HAO1: variants seen among roughly 807,000 people sequenced by gnomAD.
HAO1 encodes the protein 2-Hydroxyacid oxidase 1.
HAO1 carries 34 observed loss-of-function variants against 39.7 expected under a neutral mutation model. The ratio of observed to expected loss-of-function variants is 0.86; its 90% confidence interval spans 0.65 to 1.14. HAO1 has a LOEUF of 1.14. HAO1 is among the 50% of genes most tolerant of loss of function. The pLI, the probability that HAO1 is intolerant of heterozygous loss-of-function variation, is 0.00. For missense variants in HAO1, 479 were observed against 464.5 expected, an observed-to-expected ratio of 1.03 and a Z score of -0.29; for synonymous variants, 172 against 173.2, an observed-to-expected ratio of 0.99 and a Z score of 0.05.
intron 2 of HAO1, among the ~76,000 whole-genome samples, chr20:7,919,274 T>C (rs1482062243): frequency 1.3e-5 from 2 of 152,208 alleles, no homozygotes; most frequent in Admixed American, 1.3e-4. Flanking sequence ...ACTCACTGAC[T>C]CTTTCATTGT....
chr20:7,938,457 A>G (rs2050424018), intron 1 of HAO1, among the ~76,000 whole-genome samples: 4 of 152,096 alleles, frequency 2.6e-5, no homozygotes, highest in South Asian at 4.1e-4. Context: ...ATTCATTTTC[A>G]TTATCTGTGT....
At chr20:7,898,350 C>A (rs939878707) in intron 4 of HAO1, among the ~76,000 whole-genome samples, 4 of 152,156 alleles carry the variant, frequency 2.6e-5, no homozygotes, top group Non-Finnish European at 5.9e-5. Flanking sequence ...GTATGTTTTC[C>A]TGCTGTCAAC....
intron 3 of HAO1, among the ~76,000 whole-genome samples, chr20:7,909,256 C>G (rs1054471186): frequency 6.6e-6 from 1 of 150,844 alleles, no homozygotes; most frequent in Non-Finnish European, 1.5e-5. Context: ...AAGCCAGAAG[C>G]CAAGAAAAAG....
At chr20:7,939,413 A>T (rs892311280) in intron 1 of HAO1, among the ~76,000 whole-genome samples, 8 of 152,158 alleles carry the variant, frequency 5.3e-5, no homozygotes, top group African/African-American at 1.4e-4. Flanking sequence ...TTTGTTGTAG[A>T]CTAAAGAAGA....
chr20:7,908,299 C>T (rs1014249696), intron 3 of HAO1, among the ~76,000 whole-genome samples: 37 of 150,724 alleles, frequency 2.5e-4, no homozygotes, highest in Non-Finnish European at 8.8e-5. Context: ...GGCTGAGGCA[C>T]GAGAATCGCT....
intron 5 of HAO1, among the ~76,000 whole-genome samples, chr20:7,894,729 C>A (rs1290910254): frequency 6.6e-6 from 1 of 152,192 alleles, no homozygotes; most frequent in Non-Finnish European, 1.5e-5. Flanking sequence ...CTCAATTGTA[C>A]TGATGATCTC....
chr20:7,884,101 C>G (rs917002771), intron 7 of HAO1, among the ~76,000 whole-genome samples: 8 of 152,260 alleles, frequency 5.3e-5, no homozygotes, highest in African/African-American at 1.4e-4. Context: ...GCCCTCTTTA[C>G]CTTCAAAAAT....
At position 7,885,782 on chromosome 20, in the gene HAO1, T is replaced by A; in HGVS notation, c.896A>T (p.Asp299Val). The A allele has an allele frequency of 2.5e-6, 4 of 1,613,468 alleles. No individual in the cohort carries two copies. Among genetic ancestry groups the A allele is most frequent in the Non-Finnish European group, 2.5e-6 (3 of 1,179,434 alleles). Reference sequence around the variant, plus strand: ...GCCAAGAGCCAGAGCTTTCAGAACATCAGTGCCTTTCCGCACACCCCCGTC... The same window carrying A: ...GCCAAGAGCCAGAGCTTTCAGAACAACAGTGCCTTTCCGCACACCCCCGTC... Reference protein sequence around the residue: ...FLDGGVRKGTDVLKALALGAK... With the variant: ...FLDGGVRKGTVVLKALALGAK... The change falls in exon 6 of 8, where the codon GAT (aspartate) becomes GTT (valine). Residue 299 changes from aspartate to valine, a missense_variant. Coordinates refer to ENST00000378789, the MANE Select transcript of HAO1 (RefSeq NM_017545.3).
chr20:7,932,601 C>T (rs1255650602), intron 2 of HAO1, among the ~76,000 whole-genome samples: 1 of 152,092 alleles, frequency 6.6e-6, no homozygotes, highest in Non-Finnish European at 1.5e-5. Flanking sequence ...TATTTTAGGA[C>T]CTGACTATTG....
intron 4 of HAO1, among the ~76,000 whole-genome samples, chr20:7,898,898 G>T (rs1397943421): frequency 6.6e-6 from 1 of 151,120 alleles, no homozygotes; most frequent in South Asian, 2.1e-4. Flanking sequence ...GGTGTGGTTT[G>T]CCTGGTTATC....
In HAO1 at chr20:7,914,318, G is replaced by C; in HGVS notation, c.391C>G (p.Leu131Val). ...AGPEALRWLQ[L>V]YIYKDREVTK... ...ACTTCTCGGTCCTTGTAGATATACA[G>C]TTGCAGCCAACGAAGTGCCTCAGGA... The change falls in exon 3 of 8, where the codon CTG (leucine) becomes GTG (valine). Residue 131 changes from leucine to valine, a missense_variant. By Grantham distance (32) the Leu-to-Val change is conservative (BLOSUM62 1). Coordinates refer to ENST00000378789, the MANE Select transcript of HAO1 (RefSeq NM_017545.3). 6.2e-7 allele frequency: 1 copy of C among 1,614,052 alleles called. No individual in the cohort carries two copies. The highest frequency in any genetic ancestry group is 8.5e-7 in the Non-Finnish European group (1 of 1,179,972).
At chr20:7,928,629 C>G (rs1379281596) in intron 2 of HAO1, among the ~76,000 whole-genome samples, 1 of 152,058 alleles carries the variant, frequency 6.6e-6, no homozygotes, top group African/African-American at 2.4e-5. Flanking sequence ...CCCCAGCCTC[C>G]TTGGGACGTG....
intron 1 of HAO1, among the ~76,000 whole-genome samples, chr20:7,940,006 C>T (rs1431338377): frequency 1.3e-5 from 2 of 152,174 alleles, no homozygotes; most frequent in Non-Finnish European, 2.9e-5. Context: ...CCGAATTTAT[C>T]GCTATTTTTA....
intron 2 of HAO1, among the ~76,000 whole-genome samples, chr20:7,924,194 G>GTGGTGT (rs2050348172): frequency 6.7e-6 from 1 of 148,610 alleles, no homozygotes; most frequent in Non-Finnish European, 1.5e-5. Context: ...AGTTTGGGTT[G>GTGGTGT]TGTTGTTGTT....
chr20:7,890,210 T>TTTTTG (rs571569407), intron 5 of HAO1, among the ~76,000 whole-genome samples: 2 of 151,928 alleles, frequency 1.3e-5, no homozygotes, highest in Admixed American at 6.6e-5. Context: ...GGTTTGTTTT[T>TTTTTG]TTTTGTTTTG....
intron 3 of HAO1, among the ~76,000 whole-genome samples, chr20:7,910,952 A>T (rs1460709754): frequency 6.6e-6 from 1 of 151,470 alleles, no homozygotes; most frequent in Non-Finnish European, 1.5e-5. Context: ...GTTTCCCAAT[A>T]TAGACATGTA....
chr20:7,921,896 C>T (rs1262228524), intron 2 of HAO1, among the ~76,000 whole-genome samples: 1 of 151,954 alleles, frequency 6.6e-6, no homozygotes, highest in African/African-American at 2.4e-5. Context: ...TAAATGGAAG[C>T]TGAATATTGG....
At chr20:7,888,017 C>T (rs2050157895) in intron 5 of HAO1, among the ~76,000 whole-genome samples, 1 of 152,030 alleles carries the variant, frequency 6.6e-6, no homozygotes, top group Non-Finnish European at 1.5e-5. Context: ...TTTATGTTTC[C>T]CTCTTTTCAG....
chr20:7,896,935 T>A (rs2050200534), intron 4 of HAO1, among the ~76,000 whole-genome samples: 1 of 152,180 alleles, frequency 6.6e-6, no homozygotes, highest in East Asian at 1.9e-4. Flanking sequence ...TCTGTCTGAG[T>A]TGAATATCTT....
Sources: allele counts gnomAD v4.1 joint callset (sites outside exome capture counted in the v4.1 genomes callset), GRCh38; gene constraint gnomAD v4.1.1; transcripts MANE v1.5; gene names NCBI Gene and HGNC (gene_info 2026-07-23, HGNC 2026-07-21).